The following DPYD variants were observed in gnomAD, a reference collection of about 807,000 sequenced individuals.
DPYD encodes the protein dihydropyrimidine dehydrogenase [NADP(+)].
DPYD carries 109 observed loss-of-function variants against 116.2 expected under a neutral mutation model. The ratio of observed to expected loss-of-function variants is 0.94; its 90% CI spans 0.80 to 1.10. DPYD has a LOEUF of 1.10. Among genes scored for constraint, DPYD ranks in the 50% least tolerant of loss-of-function variants. The pLI is 0.00. For missense variants in DPYD, 1,302 were observed against 1,254.5 expected, an observed-to-expected ratio of 1.04 and a Z score of -0.57; for synonymous variants, 440 against 432.0, an observed-to-expected ratio of 1.02 and a Z score of -0.23.
chr1:97,127,672 T>C (rs565184929), intron 20 of DPYD, among the ~76,000 whole-genome samples: 1 of 152,136 alleles, frequency 6.6e-6, no homozygotes, highest in Admixed American at 6.6e-5. Context: ...TCTGCAGTAG[T>C]CCCCTACTGG....
At chr1:97,883,942 C>A in intron 1 of DPYD, 1 of 419,436 alleles carries the variant, frequency 2.4e-6, no homozygotes, top group South Asian at 1.9e-5. Flanking sequence ...AAAAAAAGTT[C>A]AGTATGGGAA....
At chr1:97,843,175 T>C (rs1051077521) in intron 2 of DPYD, among the ~76,000 whole-genome samples, 13 of 152,126 alleles carry the variant, frequency 8.5e-5, no homozygotes, top group Non-Finnish European at 1.6e-4. Flanking sequence ...AGGGTCTCAA[T>C]TTCCCTTCTT....
intron 12 of DPYD, among the ~76,000 whole-genome samples, chr1:97,529,743 TTTCCC>T (rs1346505392): frequency 2.1e-5 from 3 of 145,050 alleles, no homozygotes; most frequent in Non-Finnish European, 4.6e-5. Context: ...TCTTTCCTTC[TTTCCC>T]TTCCTTTCTT....
chr1:97,242,156 ATATATATATATAT>A (rs1662407598), intron 18 of DPYD, among the ~76,000 whole-genome samples: 1 of 122,164 alleles, frequency 8.2e-6, no homozygotes, highest in East Asian at 2.3e-4. Context: ...ATATATATAT[ATATATATATATAT>A]ATCTTCTAAG....
rs147600448 is a variant in DPYD, at chr1:97,416,849, C to T, written c.1905+33210G>A. 6.8e-4 allele frequency among the ~76,000 whole-genome samples: 104 copies of T among 152,266 alleles called. 1 individual carries two copies. In the East Asian group the frequency reaches 0.018, roughly 26 times the overall value. ...GAACCCCCTTTTAGGTAGACCTTCG[C>T]TTCATGTGCAGCCTTAAGGATTAGT... On this transcript the variant is annotated intron_variant, in intron 14 of 22. Transcript: ENST00000370192.
intron 5 of DPYD, chr1:97,719,759 C>T: frequency 1.0e-6 from 1 of 985,050 alleles, no homozygotes; most frequent in Non-Finnish European, 1.2e-6. Flanking sequence ...AAGCTTTTCT[C>T]AGTAGTTCCC....
At chr1:97,416,848 G>A (rs536848854) in intron 14 of DPYD, among the ~76,000 whole-genome samples, 7 of 152,134 alleles carry the variant, frequency 4.6e-5, no homozygotes, top group Admixed American at 3.3e-4. Context: ...GTAGACCTTC[G>A]CTTCATGTGC....
intron 3 of DPYD, among the ~76,000 whole-genome samples, chr1:97,813,264 G>T (rs1350316542): frequency 6.6e-6 from 1 of 151,934 alleles, no homozygotes; most frequent in Admixed American, 6.6e-5. Context: ...TCCCCAAACA[G>T]CTTTTTCATC....
intron 4 of DPYD, among the ~76,000 whole-genome samples, chr1:97,724,985 G>GAGAA (rs1663161393): frequency 6.7e-6 from 1 of 148,292 alleles, no homozygotes; most frequent in South Asian, 2.1e-4. Context: ...GAGAGAGAGA[G>GAGAA]AAAGTTATCC....
intron 2 of DPYD, among the ~76,000 whole-genome samples, chr1:97,853,384 T>C (rs977054246): frequency 1.3e-5 from 2 of 152,220 alleles, no homozygotes; most frequent in African/African-American, 2.4e-5. Context: ...ACTAAGTTTC[T>C]GAAGCAGGTG....
At chr1:97,424,771 A>G (rs1243545195) in intron 14 of DPYD, among the ~76,000 whole-genome samples, 1 of 152,036 alleles carries the variant, frequency 6.6e-6, no homozygotes, top group Non-Finnish European at 1.5e-5. Context: ...AACTGAAAAA[A>G]ATCCTTTTCT....
chr1:97,336,779 A>C (rs1669306070), intron 16 of DPYD, among the ~76,000 whole-genome samples: 1 of 152,138 alleles, frequency 6.6e-6, no homozygotes, highest in African/African-American at 2.4e-5. Context: ...ATATCAAGGA[A>C]AGAGATGTGA....
chr1:97,096,377 T>A (rs953356024), intron 21 of DPYD, among the ~76,000 whole-genome samples: 1 of 152,156 alleles, frequency 6.6e-6, no homozygotes, highest in African/African-American at 2.4e-5. Context: ...ATAAATAATA[T>A]CTTCCTTTAG....
chr1:97,738,900 T>A (rs1037205656), intron 4 of DPYD, among the ~76,000 whole-genome samples: 1 of 152,096 alleles, frequency 6.6e-6, no homozygotes, highest in African/African-American at 2.4e-5. Flanking sequence ...AACCTAAGAA[T>A]CCTTTTTGTC....
At chr1:97,119,227 A>G (rs1301884582) in intron 20 of DPYD, among the ~76,000 whole-genome samples, 5 of 152,230 alleles carry the variant, frequency 3.3e-5, no homozygotes, top group Non-Finnish European at 7.3e-5. Flanking sequence ...TAGGCCATCT[A>G]CAATGGGTCT....
intron 5 of DPYD, among the ~76,000 whole-genome samples, chr1:97,705,586 A>G (rs902002937): frequency 6.6e-6 from 1 of 151,988 alleles, no homozygotes; most frequent in African/African-American, 2.4e-5. Flanking sequence ...TAGTGCCGCA[A>G]TAAACATACG....
chr1:97,377,655 A>G (rs1045546064), intron 15 of DPYD, among the ~76,000 whole-genome samples: 22 of 152,198 alleles, frequency 1.4e-4, no homozygotes, highest in Admixed American at 1.4e-3. Flanking sequence ...CAACATATAC[A>G]ATGAAATCAT....
intron 14 of DPYD, among the ~76,000 whole-genome samples, chr1:97,438,626 A>G (rs1675594357): frequency 1.3e-5 from 2 of 152,008 alleles, no homozygotes; most frequent in Admixed American, 6.6e-5. Flanking sequence ...AGGATAGGCA[A>G]GTTAGGTATT....
chr1:97,510,040 A>C (rs1647661399), intron 13 of DPYD, among the ~76,000 whole-genome samples: 1 of 151,930 alleles, frequency 6.6e-6, no homozygotes, highest in South Asian at 2.1e-4. Flanking sequence ...TTTGGGCAGG[A>C]ACAGGCTGAC....
Sources: gnomAD v4.1 joint callset for allele counts (sites outside exome capture counted in the v4.1 genomes callset) on GRCh38, gnomAD v4.1.1 for gene constraint, MANE v1.5 for transcripts, NCBI Gene and HGNC (gene_info 2026-07-23, HGNC 2026-07-21) for gene names.